Variants in MYRIP observed in about 807,000 individuals in gnomAD.
The protein encoded by MYRIP is rab effector MyRIP.
In MYRIP, 49 loss-of-function variants were observed where a neutral mutation model predicts 98.0. The ratio of observed to expected loss-of-function variants is 0.50; its 90% CI spans 0.40 to 0.63. The LOEUF is 0.63. Ranked by LOEUF, MYRIP falls within the 30% of genes least tolerant of loss-of-function variation. The pLI is 0.00. For missense variants in MYRIP, 1,004 were observed against 1,058.2 expected (o/e 0.95, Z 0.71); for synonymous variants, 404 against 409.5 (o/e 0.99, Z 0.16).
chr3:39,923,038 C>A (rs913634844), intron 2 of MYRIP, among the ~76,000 whole-genome samples: 1 of 151,910 alleles, frequency 6.6e-6, no homozygotes, highest in Non-Finnish European at 1.5e-5. Context: ...TAAAGAAGAA[C>A]CAAGTAGAAA....
chr3:40,243,397 G>A (rs1013635160), intron 12 of MYRIP, among the ~76,000 whole-genome samples: 62 of 52,510 alleles, frequency 1.2e-3, no homozygotes, highest in Non-Finnish European at 1.6e-3. Context: ...GCATCACTAA[G>A]TGTAAAAAAA....
chr3:40,042,824 T>C (rs1947571820), intron 2 of MYRIP, among the ~76,000 whole-genome samples: 1 of 152,150 alleles, frequency 6.6e-6, no homozygotes, highest in African/African-American at 2.4e-5. Flanking sequence ...AAGTTGAAAA[T>C]GCACTTAATA....
chr3:40,204,099 ATAT>A (rs1286568226), intron 10 of MYRIP, among the ~76,000 whole-genome samples: 2 of 26,182 alleles, frequency 7.6e-5, no homozygotes, highest in African/African-American at 2.5e-4. Context: ...ATTATATAAT[ATAT>A]TATATAATAT....
At chr3:40,100,161 T>C (rs970361510) in intron 3 of MYRIP, 1 of 985,326 alleles carries the variant, frequency 1.0e-6, no homozygotes, top group Admixed American at 6.1e-5. Context: ...TGGAGCTCTG[T>C]GCCCTGTGTC....
At chr3:40,133,774 C>T (rs1463716853) in intron 3 of MYRIP, among the ~76,000 whole-genome samples, 2 of 152,124 alleles carry the variant, frequency 1.3e-5, no homozygotes, top group Non-Finnish European at 2.9e-5. Flanking sequence ...TTTGTTTGGT[C>T]GTACTGTGGA....
chr3:40,105,009 GACA>G (rs550339437), intron 3 of MYRIP, among the ~76,000 whole-genome samples: 7 of 151,666 alleles, frequency 4.6e-5, no homozygotes, highest in African/African-American at 1.7e-4. Context: ...TGATTTTCAT[GACA>G]ACATTTTCCT....
At chr3:39,931,861 T>C (rs1466284503) in intron 2 of MYRIP, among the ~76,000 whole-genome samples, 10 of 152,214 alleles carry the variant, frequency 6.6e-5, no homozygotes, top group Admixed American at 6.5e-4. Flanking sequence ...TAAATCCTAA[T>C]TGGTTATGGT....
Position 40,172,634 on chromosome 3 carries a change from C to T in MYRIP, c.873+2541C>T, listed in dbSNP as rs181678435. ...CCTGTGAGTTATGAGCTGTACTTCA[C>T]TGTGTTTTGGTCAGCAAGGCTCCAG... On this transcript the variant is annotated intron_variant, in intron 8 of 16. Coordinates refer to ENST00000302541, the MANE Select transcript of MYRIP (RefSeq NM_015460.4). 5.1e-4 allele frequency among the ~76,000 whole-genome samples: 77 copies of T among 152,292 alleles called. No homozygotes were observed. In the Middle Eastern group the frequency reaches 0.01, roughly 20 times the overall value.
intron 3 of MYRIP, among the ~76,000 whole-genome samples, chr3:40,075,431 G>T (rs1451854952): frequency 6.6e-6 from 1 of 152,202 alleles, no homozygotes; most frequent in Non-Finnish European, 1.5e-5. Context: ...CTGTCCTGAT[G>T]GGAGAAGGGC....
intron 10 of MYRIP, among the ~76,000 whole-genome samples, chr3:40,199,864 G>A (rs1162460079): frequency 6.6e-6 from 1 of 151,922 alleles, no homozygotes; most frequent in African/African-American, 2.4e-5. Flanking sequence ...AAGCAGAGCT[G>A]CTCTGAGGCA....
intron 3 of MYRIP, among the ~76,000 whole-genome samples, chr3:40,135,354 A>G (rs909310085): frequency 6.6e-6 from 1 of 152,186 alleles, no homozygotes; most frequent in Non-Finnish European, 1.5e-5. Flanking sequence ...AAAGAAACGA[A>G]AAAAGCCTCC....
intron 3 of MYRIP, among the ~76,000 whole-genome samples, chr3:40,083,300 G>C (rs116588486): frequency 1.7e-3 from 265 of 152,326 alleles, no homozygotes; most frequent in African/African-American, 5.9e-3. Context: ...TGGCATTATA[G>C]TTCCTCTTGA....
intron 2 of MYRIP, among the ~76,000 whole-genome samples, chr3:39,936,896 T>A (rs1311876137): frequency 6.6e-6 from 1 of 152,164 alleles, no homozygotes; most frequent in Non-Finnish European, 1.5e-5. Flanking sequence ...TGGTCTGGCT[T>A]AGTTTAGTGT....
chr3:40,211,853 C>T (rs1463300729), intron 11 of MYRIP, among the ~76,000 whole-genome samples: 1 of 151,894 alleles, frequency 6.6e-6, no homozygotes, highest in East Asian at 1.9e-4. Flanking sequence ...CTCCCCTGGG[C>T]AGAGTGTCAG....
At chr3:40,061,653 T>C (rs567422391) in intron 3 of MYRIP, among the ~76,000 whole-genome samples, 3 of 152,338 alleles carry the variant, frequency 2.0e-5, no homozygotes, top group Non-Finnish European at 4.4e-5. Context: ...CTTTGAGGAA[T>C]TGCCATACTG....
At chr3:39,833,097 G>T (rs987717639) in intron 1 of MYRIP, among the ~76,000 whole-genome samples, 9 of 152,116 alleles carry the variant, frequency 5.9e-5, no homozygotes, top group Non-Finnish European at 1.0e-4. Flanking sequence ...AAATATGCTT[G>T]AGATAAAGTG....
At chr3:40,238,761 A>C (rs1190254726) in intron 12 of MYRIP, 10 of 152,054 alleles carry the variant, frequency 6.6e-5, no homozygotes, top group Non-Finnish European at 1.3e-4. Flanking sequence ...AATGGGAAAA[A>C]AAGGAAAAAA....
At chr3:40,038,757 A>G (rs916771737) in intron 2 of MYRIP, among the ~76,000 whole-genome samples, 3 of 152,130 alleles carry the variant, frequency 2.0e-5, no homozygotes, top group Non-Finnish European at 2.9e-5. Flanking sequence ...CAGGGGAGAG[A>G]AAGAAAGGTA....
At chr3:40,151,223 G>T in intron 4 of MYRIP, 39 bp downstream of exon 4, 1 of 1,561,982 alleles carries the variant, frequency 6.4e-7, no homozygotes, top group Admixed American at 1.8e-5. Flanking sequence ...TCTTTGGTGG[G>T]CTGGTGGGTA....
Sources: allele counts gnomAD v4.1 joint callset (sites outside exome capture counted in the v4.1 genomes callset), GRCh38; gene constraint gnomAD v4.1.1; transcripts MANE v1.5; gene names NCBI Gene and HGNC (gene_info 2026-07-23, HGNC 2026-07-21).